GNPAT: variants seen among roughly 807,000 people sequenced by gnomAD.
GNPAT encodes dihydroxyacetone phosphate acyltransferase.
In GNPAT, 30 loss-of-function variants were observed where a neutral mutation model predicts 78.4. The ratio of observed to expected loss-of-function variants is 0.38; its 90% CI spans 0.29 to 0.52. The LOEUF is 0.52. Among genes scored for constraint, GNPAT ranks in the 20% least tolerant of loss-of-function variants. GNPAT has a pLI of 0.84. For synonymous variants in GNPAT, 271 were observed against 281.1 expected (o/e 0.96, Z 0.36); for missense variants, 714 against 812.2 (o/e 0.88, Z 1.47).
rs545781729 is a variant in GNPAT at position 231,250,643 on chromosome 1, C to A, written c.79-318C>A. 4.1e-4 allele frequency among the ~76,000 whole-genome samples: 62 copies of A among 152,192 alleles called. 1 individual carries two copies. In the South Asian group the frequency reaches 1.0e-2, roughly 24 times the overall value. On this transcript the variant is annotated intron_variant, in intron 1 of 15. Transcript: ENST00000366647. ...GGTTTGTCAGTGTGGCAGGTGAAAC[C>A]ATGTGAAGTTGATCAGATTACTCTA...
chr1:231,262,818 T>C lies in GNPAT; in HGVS notation c.534T>C (p.Tyr178=), dbSNP rs993094241. Residue 178 remains tyrosine (Y), a synonymous_variant, in exon 4 of 16, where the codon TAT becomes TAC. Transcript: ENST00000366647. ...TGTTGTCTTTTCTTCTATACAATTA[T>C]GATTTGCCTGTGCCAGTTATAGCAG... ...FLMLSFLLYN[Y]DLPVPVIAAG... 3 of 1,611,462 alleles carry C rather than the reference T, an allele frequency of 1.9e-6. No homozygotes were observed. In the Admixed American group the frequency reaches 5.0e-5, roughly 27 times the overall value.
At chr1:231,276,218 A>G in intron 15 of GNPAT, 22 bp downstream of exon 15, 9 of 1,202,898 alleles carry the variant, frequency 7.5e-6, no homozygotes, top group Non-Finnish European at 1.1e-5. Flanking sequence ...TTAATAAAAT[A>G]CAAGTTTTCA....
chr1:231,242,813 C>CTT (rs1274128494), intron 1 of GNPAT, among the ~76,000 whole-genome samples: 1 of 152,202 alleles, frequency 6.6e-6, no homozygotes, highest in East Asian at 1.9e-4. Context: ...CTTGAGTCCA[C>CTT]TTTTTCATGT....
chr1:231,271,438 G>A (rs1323142269), intron 10 of GNPAT, among the ~76,000 whole-genome samples: 2 of 152,250 alleles, frequency 1.3e-5, no homozygotes, highest in East Asian at 3.9e-4. Flanking sequence ...AATGAGTACA[G>A]TACACGTCAT....
At chr1:231,248,688 C>G (rs891079183) in intron 1 of GNPAT, among the ~76,000 whole-genome samples, 10 of 152,118 alleles carry the variant, frequency 6.6e-5, no homozygotes, top group African/African-American at 1.9e-4. Flanking sequence ...CACACAGAGT[C>G]ACATGATGCA....
chr1:231,265,681 G>A (rs764085916), intron 5 of GNPAT, 31 bp from the exon 6 acceptor site: 14 of 1,330,274 alleles, frequency 1.1e-5, no homozygotes, highest in Middle Eastern at 1.8e-4. Flanking sequence ...TAGGCAATGG[G>A]TTTTGTGTTT....
chr1:231,257,758 G>A (rs1685106210), intron 2 of GNPAT, among the ~76,000 whole-genome samples: 1 of 152,122 alleles, frequency 6.6e-6, no homozygotes, highest in African/African-American at 2.4e-5. Flanking sequence ...TTGGGGTTCA[G>A]ACTTTTTATC....
chr1:231,241,247 T>G lies in GNPAT; in HGVS notation c.-132T>G, dbSNP rs553247724. On this transcript the variant is annotated 5_prime_UTR_variant, in exon 1 of 16. Transcript: ENST00000366647. ...TGAGATGGCGGCGCCCGGGATCCTG[T>G]GTAGCGGCTGCAGAGGGTGCCGCCG... is the stretch of plus-strand genomic sequence containing the variant. 38 of 1,458,364 alleles carry G rather than the reference T, an allele frequency of 2.6e-5. No homozygotes were observed. In the African/African-American group the frequency reaches 4.8e-4, roughly 18 times the overall value. The allele number at this position is 1,458,364 out of a possible 1,614,324, so 90.3% of individuals were successfully genotyped here.
intron 12 of GNPAT, 29 bp from the exon 13 acceptor site, chr1:231,275,192 G>A (rs1558340137): frequency 7.7e-7 from 1 of 1,298,950 alleles, no homozygotes; most frequent in Non-Finnish European, 1.1e-6. Context: ...TTCTCTTTCT[G>A]TTCCCCTCAT....
In GNPAT at chr1:231,247,147, C is replaced by G. The variant is rs1962655; in HGVS notation, c.79-3814C>G. ...TGCCACTGCACTCCAGCCTGGGCAA[C>G]AGAGAGAGACTCCATCTCAAAAAAA... On this transcript the variant is annotated intron_variant, in intron 1 of 15. Coordinates refer to ENST00000366647, the MANE Select transcript of GNPAT (RefSeq NM_014236.4). 8.3e-3 allele frequency among the ~76,000 whole-genome samples: 1,249 copies of G among 151,196 alleles called. 12 individuals carry two copies. Among genetic ancestry groups the G allele is most frequent in the Non-Finnish European group, 0.012 (785 of 67,860 alleles).
At chr1:231,248,033 C>T (rs1159088668) in intron 1 of GNPAT, among the ~76,000 whole-genome samples, 3 of 152,180 alleles carry the variant, frequency 2.0e-5, no homozygotes, top group East Asian at 1.9e-4. Context: ...AAGACTCCCT[C>T]GCTCCCATAC....
At chr1:231,261,605 A>G (rs1685227290) in intron 3 of GNPAT, among the ~76,000 whole-genome samples, 1 of 152,088 alleles carries the variant, frequency 6.6e-6, no homozygotes, top group African/African-American at 2.4e-5. Context: ...ATTAATGAAT[A>G]TCTTGTGAAA....
rs140643889 is a variant in GNPAT, at chr1:231,250,080, T to TTTA, written c.79-854_79-852dup. ...GGGCAACAGAGCAAGACTGTACCTC[T>TTTA]TTATTATTATTATTATTATTATTAT... On this transcript the variant is annotated intron_variant, in intron 1 of 15. Coordinates refer to ENST00000366647, the MANE Select transcript of GNPAT (RefSeq NM_014236.4). 5.7e-3 allele frequency among the ~76,000 whole-genome samples: 821 copies of TTTA among 144,734 alleles called. 8 individuals are homozygous for TTTA. The highest frequency in any genetic ancestry group is 0.028 in the East Asian group (135 of 4,892). The allele number at this position is 144,734 out of a possible 152,430, so 95.0% of individuals were successfully genotyped here.
At chr1:231,247,425 T>C (rs1037094253) in intron 1 of GNPAT, among the ~76,000 whole-genome samples, 9 of 152,188 alleles carry the variant, frequency 5.9e-5, no homozygotes, top group African/African-American at 1.9e-4. Flanking sequence ...TGAAGTGTTT[T>C]AGAGACCATC....
chr1:231,258,557 C>T (rs1558330019), intron 2 of GNPAT, among the ~76,000 whole-genome samples: 2 of 151,710 alleles, frequency 1.3e-5, no homozygotes, highest in Non-Finnish European at 1.5e-5. Context: ...GGCTTTAACA[C>T]CACTGAGCTG....
intron 6 of GNPAT, 106 bp downstream of exon 6, chr1:231,265,893 A>G (rs369765022): frequency 4.8e-6 from 5 of 1,048,028 alleles, no homozygotes; most frequent in South Asian, 3.8e-5. Context: ...GTGTAAATGT[A>G]TAACTGTTGA....
intron 3 of GNPAT, among the ~76,000 whole-genome samples, chr1:231,261,482 C>T (rs1685224295): frequency 6.6e-6 from 1 of 152,026 alleles, no homozygotes; most frequent in South Asian, 2.1e-4. Context: ...GTCGTGTCAG[C>T]AATGCATGGT....
chr1:231,258,622 ATTTT>A (rs748666053), intron 2 of GNPAT, among the ~76,000 whole-genome samples: 95 of 73,772 alleles, frequency 1.3e-3, no homozygotes, highest in African/African-American at 5.0e-3. Context: ...TTTTAATGCA[ATTTT>A]TTTTTTTTTT....
Position 231,267,886 on chromosome 1 carries a change from G to T in GNPAT, c.1262G>T (p.Gly421Val). 6.2e-7 allele frequency: 1 copy of T among 1,608,878 alleles called. No individual in the cohort carries two copies. Among genetic ancestry groups the T allele is most frequent in the African/African-American group, 1.3e-5 (1 of 74,936 alleles). Reference sequence around the variant, plus strand: ...AAAGGCTTAACCCAGGCATTTGGAGGGTTTCTCATTTGGCCTGGTATGTAG... The same window carrying T: ...AAAGGCTTAACCCAGGCATTTGGAGTGTTTCTCATTTGGCCTGGTATGTAG... Reference protein sequence around the residue: ...WLKGLTQAFGGFLIWPDNKPA... With the variant: ...WLKGLTQAFGVFLIWPDNKPA... The change falls in exon 9 of 16, where the codon GGG becomes GTG. Residue 421 changes from glycine to valine, a missense_variant. Transcript: ENST00000366647.
Sources: allele counts gnomAD v4.1 joint callset (sites outside exome capture counted in the v4.1 genomes callset), GRCh38; gene constraint gnomAD v4.1.1; transcripts MANE v1.5; gene names NCBI Gene and HGNC (gene_info 2026-07-23, HGNC 2026-07-21).